WDR76: variants seen among roughly 807,000 people sequenced by gnomAD.
The protein encoded by WDR76 is WD repeat-containing protein 76.
A neutral mutation model predicts 70.2 loss-of-function variants in WDR76; 52 were observed. That is an observed-to-expected ratio of 0.74 (90% confidence interval 0.59 to 0.93). The LOEUF is 0.93. Among genes scored for constraint, WDR76 ranks in the 40% least tolerant of loss-of-function variants. The pLI is 0.00. For missense variants in WDR76, 756 were observed against 760.2 expected (o/e 0.99, Z 0.07); for synonymous variants, 292 against 271.1 (o/e 1.08, Z -0.76).
chr15:43,858,955 G>A (rs1302367684), intron 11 of WDR76, 132 bp downstream of exon 11: 2 of 1,180,814 alleles, frequency 1.7e-6, no homozygotes, highest in Non-Finnish European at 2.3e-6. Flanking sequence ...GTCATATGTA[G>A]GTTCCTAAAG....
chr15:43,828,294 T>C lies in WDR76; in HGVS notation c.390T>C (p.Asp130=), dbSNP rs756746048. Residue 130 remains aspartate (D), a synonymous_variant, in exon 2 of 13, where the codon GAT becomes GAC. Transcript: ENST00000263795. ...SNKLQPKRTA[D]AMNLSVDVES... ...AGCTACAACCCAAGAGAACGGCAGA[T>C]GCGATGAATCTCAGTGTTGATGTGG... 20 of 1,614,026 alleles carry C rather than the reference T, an allele frequency of 1.2e-5. No homozygotes were observed. Among genetic ancestry groups the C allele is most frequent in the Non-Finnish European group, 1.5e-5 (18 of 1,180,054 alleles).
Position 43,832,385 on chromosome 15 carries a change from T to TA in WDR76, c.463-2676_463-2675insA, listed in dbSNP as rs572441917. 9.5e-3 allele frequency among the ~76,000 whole-genome samples: 1,436 copies of TA among 151,792 alleles called. 21 individuals are homozygous for TA. Among genetic ancestry groups the TA allele is most frequent in the African/African-American group, 0.033 (1,360 of 41,386 alleles). On this transcript the variant is annotated intron_variant, in intron 2 of 12. Coordinates refer to ENST00000263795, the MANE Select transcript of WDR76 (RefSeq NM_024908.4). ...GGTGACAGAGTGAGACGCTATCACT[T>TA]TAAAAAAAAAAATTGTGATAACATG... is the stretch of plus-strand genomic sequence containing the variant.
chr15:43,853,658 A>G (rs1161403742), intron 9 of WDR76, among the ~76,000 whole-genome samples: 1 of 151,954 alleles, frequency 6.6e-6, no homozygotes, highest in Admixed American at 6.6e-5. Context: ...GTAATCCCAG[A>G]ACTTTGGGAG....
chr15:43,839,477 GTA>G, intron 4 of WDR76, 126 bp from the exon 5 acceptor site: 75 of 946,286 alleles, frequency 7.9e-5, no homozygotes, highest in Middle Eastern at 2.8e-4. Context: ...TTGTGGCCAT[GTA>G]TATATATATC....
chr15:43,834,153 C>T (rs1454327878), intron 2 of WDR76, among the ~76,000 whole-genome samples: 1 of 151,856 alleles, frequency 6.6e-6, no homozygotes, highest in African/African-American at 2.4e-5. Flanking sequence ...CAGTATTTTG[C>T]TATTTCCTGA....
rs771309841 is a variant in WDR76 at position 43,828,124 on chromosome 15, A to G, written c.220A>G (p.Asn74Asp). ...LMCPKSLSEK[N>D]SNNEVACKKT... ...GTGCCCCAAATCCCTATCAGAAAAG[A>G]ATTCTAACAATGAAGTGGCGTGTAA... The change falls in exon 2 of 13, where the codon AAT becomes GAT. Residue 74 changes from asparagine (N) to aspartate (D), a missense_variant. By Grantham distance (23) the Asn-to-Asp change is conservative. Transcript: ENST00000263795. The G allele has an allele frequency of 6.2e-7, 1 of 1,614,218 alleles. No homozygotes were observed. The highest frequency in any genetic ancestry group is 1.1e-5 in the South Asian group (1 of 91,084).
At chr15:43,832,442 T>G (rs201225288) in intron 2 of WDR76, among the ~76,000 whole-genome samples, 17 of 145,482 alleles carry the variant, frequency 1.2e-4, no homozygotes, top group Admixed American at 4.2e-4. Context: ...GTTTTTTTTT[T>G]GTTTTTTTGT....
At chr15:43,836,009 C>G (rs2087651245) in intron 3 of WDR76, 152 bp from the exon 4 acceptor site, 1 of 534,826 alleles carries the variant, frequency 1.9e-6, no homozygotes, top group African/African-American at 2.0e-5. Flanking sequence ...GGCTGGAGTA[C>G]AGTGGCGCTG....
chr15:43,839,665 T>A lies in WDR76; in HGVS notation c.669T>A (p.Val223=), dbSNP rs1311597278. The A allele has an allele frequency of 6.2e-7, 1 of 1,612,780 alleles. No homozygotes were observed. The highest frequency in any genetic ancestry group is 2.2e-5 in the East Asian group (1 of 44,826). ...GCRRSMRLLK[V]DPSGVSLPAA... is the part of the protein sequence containing the mutation. ...GAAGGTCAATGCGATTACTAAAAGT[T>A]GATCCTTCGGGAGTTTCATTACCAG... Residue 223 remains valine (V), a synonymous_variant, in exon 5 of 13, where the codon GTT becomes GTA. Coordinates refer to ENST00000263795, the MANE Select transcript of WDR76 (RefSeq NM_024908.4).
Position 43,855,798 on chromosome 15 carries a change from G to A in WDR76, c.1192-1148G>A, listed in dbSNP as rs765864187. The stretch of plus-strand genomic sequence containing the variant: ...CAGGAGGCGGAGATTGCATTGAGCC[G>A]AGATCGTGCCACTGTACTCCAGCCT... On this transcript the variant is annotated intron_variant, in intron 9 of 12. Coordinates refer to ENST00000263795, the MANE Select transcript of WDR76 (RefSeq NM_024908.4). Among the ~76,000 whole-genome samples, 111 of 151,112 alleles carry A rather than the reference G, an allele frequency of 7.3e-4. 1 individual carries two copies. The highest frequency in any genetic ancestry group is 9.0e-4 in the Non-Finnish European group (61 of 67,898).
In WDR76 at chr15:43,851,072, G is replaced by T; in HGVS notation, c.1033-15G>T. 2 of 1,610,450 alleles carry T rather than the reference G, an allele frequency of 1.2e-6. No homozygotes were observed. Among genetic ancestry groups the T allele is most frequent in the Non-Finnish European group, 1.7e-6 (2 of 1,177,916 alleles). On this transcript the variant is annotated splice_polypyrimidine_tract_variant and intron_variant, in intron 8 of 12. Coordinates refer to ENST00000263795, the MANE Select transcript of WDR76 (RefSeq NM_024908.4). ...AGTTTTTTTCTCTCTCCCCTTTCCC[G>T]CAACTCTCTTCCAGACCCAGCAACC...
intron 12 of WDR76, among the ~76,000 whole-genome samples, chr15:43,865,189 G>A (rs1489430048): frequency 6.7e-6 from 1 of 148,580 alleles, no homozygotes; most frequent in Non-Finnish European, 1.5e-5. Flanking sequence ...TCCATCTCCT[G>A]GGTTCAAGCA....
intron 8 of WDR76, among the ~76,000 whole-genome samples, chr15:43,850,866 TA>T (rs1490633396): frequency 1.3e-5 from 2 of 152,200 alleles, no homozygotes; most frequent in Non-Finnish European, 2.9e-5. Flanking sequence ...TGGTCACTGT[TA>T]ATGTGACTTG....
chr15:43,859,291 A>G (rs1271090730), intron 11 of WDR76, among the ~76,000 whole-genome samples: 3 of 152,190 alleles, frequency 2.0e-5, no homozygotes, highest in Admixed American at 1.3e-4. Flanking sequence ...TAGCTTTAGT[A>G]CCTTCCTATA....
intron 11 of WDR76, among the ~76,000 whole-genome samples, chr15:43,859,090 A>G (rs2087966009): frequency 1.3e-5 from 2 of 152,214 alleles, no homozygotes; most frequent in Non-Finnish European, 1.5e-5. Flanking sequence ...GCACTGAAGA[A>G]TCCCAGAAAC....
At chr15:43,846,715 T>C (rs2087793319) in intron 8 of WDR76, among the ~76,000 whole-genome samples, 1 of 152,032 alleles carries the variant, frequency 6.6e-6, no homozygotes, top group East Asian at 1.9e-4. Flanking sequence ...ATATCTTTCA[T>C]GATGACTCCA....
intron 8 of WDR76, among the ~76,000 whole-genome samples, chr15:43,850,666 C>T (rs966575403): frequency 2.0e-5 from 3 of 152,086 alleles, no homozygotes; most frequent in African/African-American, 4.8e-5. Flanking sequence ...AAATACCTTA[C>T]GAAAATTACA....
At position 43,839,644 on chromosome 15, in the gene WDR76, G is replaced by T. The variant is rs763123123; in HGVS notation, c.648G>T (p.Arg216Ser). The change falls in exon 5 of 13, where the codon AGG becomes AGT. Residue 216 changes from arginine (R) to serine (S), a missense_variant. Physicochemically the swap from Arg to Ser is moderately radical, Grantham distance 110 (BLOSUM62 -1). Transcript: ENST00000263795. ...GAGAAAATGGGATTGGATGTAGAAG[G>T]TCAATGCGATTACTAAAAGTTGATC... ...PKRENGIGCRRSMRLLKVDPS... is the reference protein window; with the variant it reads ...PKRENGIGCRSSMRLLKVDPS... 15 of 1,612,564 alleles carry T rather than the reference G, an allele frequency of 9.3e-6. No homozygotes were observed. In the African/African-American group the frequency reaches 1.5e-4, roughly 16 times the overall value.
At chr15:43,843,013 CTTT>C (rs370773260) in intron 7 of WDR76, among the ~76,000 whole-genome samples, 6 of 119,942 alleles carry the variant, frequency 5.0e-5, no homozygotes, top group Admixed American at 3.7e-4. Context: ...TTTTCTTTTT[CTTT>C]TTTTTTTTTT....
Sources: gnomAD v4.1 joint callset for allele counts (sites outside exome capture counted in the v4.1 genomes callset) on GRCh38, gnomAD v4.1.1 for gene constraint, MANE v1.5 for transcripts, NCBI Gene and HGNC (gene_info 2026-07-23, HGNC 2026-07-21) for gene names.